The following FGF9 variants were observed in gnomAD, a reference collection of about 807,000 sequenced individuals.
FGF9 encodes the protein fibroblast growth factor 9 (glia-activating factor).
Under a neutral mutation model 19.9 loss-of-function variants are expected in FGF9, and 3 were observed. The observed-to-expected ratio is 0.15, with a 90% CI of 0.07 to 0.39. FGF9 has a LOEUF of 0.39. Ranked by LOEUF, FGF9 falls within the 10% of genes least tolerant of loss-of-function variation. The pLI, the probability that FGF9 is intolerant of heterozygous loss-of-function variation, is 1.00. For synonymous variants in FGF9, 107 were observed against 106.9 expected (o/e 1.00, Z -0.01); for missense variants, 175 against 256.8 (o/e 0.68, Z 2.18).
At chr13:21,685,589 A>T (rs1436837410) in intron 2 of FGF9, among the ~76,000 whole-genome samples, 1 of 152,246 alleles carries the variant, frequency 6.6e-6, no homozygotes, top group East Asian at 1.9e-4. Flanking sequence ...TAATTTGTCC[A>T]TGTATCCGTT....
At chr13:21,678,724 T>C (rs963541552) in intron 1 of FGF9, among the ~76,000 whole-genome samples, 2 of 152,212 alleles carry the variant, frequency 1.3e-5, no homozygotes, top group Admixed American at 6.5e-5. Flanking sequence ...CCTTAGAAGC[T>C]GCAAATATTT....
At chr13:21,673,833 C>A (rs903690934) in intron 1 of FGF9, among the ~76,000 whole-genome samples, 1 of 150,918 alleles carries the variant, frequency 6.6e-6, no homozygotes, top group East Asian at 1.9e-4. Flanking sequence ...CTCCCGCGCT[C>A]GCGGTCGGCA....
In FGF9 at chr13:21,680,926, G is replaced by T. The variant is rs570464834; in HGVS notation, c.278-116G>T. The T allele has an allele frequency of 2.9e-4, 212 of 739,792 alleles. 3 individuals carry two copies. The South Asian group carries it at 3.1e-3, about 11-fold the overall frequency. The allele number at this position is 739,792 out of a possible 1,614,324, so 45.8% of individuals were successfully genotyped here. ...AAGACACTTCTTTAACTAGCGTGGG[G>T]TTATCCAAGTGGGGAGCTGGGCTTA... On this transcript the variant is annotated intron_variant, in intron 1 of 2. Coordinates refer to ENST00000382353, the MANE Select transcript of FGF9 (RefSeq NM_002010.3).
intron 1 of FGF9, among the ~76,000 whole-genome samples, chr13:21,679,475 T>C (rs1871988561): frequency 6.6e-6 from 1 of 152,178 alleles, no homozygotes; most frequent in Admixed American, 6.5e-5. Flanking sequence ...TATAGCACAT[T>C]GTTACCCTAA....
At chr13:21,677,040 T>C (rs1256524905) in intron 1 of FGF9, among the ~76,000 whole-genome samples, 14 of 152,204 alleles carry the variant, frequency 9.2e-5, no homozygotes, top group Admixed American at 9.2e-4. Context: ...GGACCATGGA[T>C]GATCTCACAC....
At chr13:21,693,929 C>T (rs752752290) in intron 2 of FGF9, among the ~76,000 whole-genome samples, 9 of 152,136 alleles carry the variant, frequency 5.9e-5, no homozygotes, top group Non-Finnish European at 8.8e-5. Context: ...TGATGCAGCC[C>T]GTTTCATTTG....
intron 2 of FGF9, among the ~76,000 whole-genome samples, chr13:21,695,083 C>CCT (rs138974621): frequency 1.5e-5 from 2 of 137,146 alleles, no homozygotes; most frequent in Admixed American, 1.4e-4. Context: ...TGTGTGTGTG[C>CCT]GTGTGTGTGT....
rs549304399 is a variant in FGF9 at position 21,677,283 on chromosome 13, C to T, written c.278-3759C>T. Among the ~76,000 whole-genome samples the T allele has an allele frequency of 1.2e-4, 18 of 152,320 alleles. No individual in the cohort carries two copies. The East Asian group carries it at 1.3e-3, about 11-fold the overall frequency. ...TGTGCCACAGTTCTAATTTTAGGCA[C>T]AAACTCATCATTCCCTCCCTTCCTC... On this transcript the variant is annotated intron_variant, in intron 1 of 2. Transcript: ENST00000382353.
intron 2 of FGF9, among the ~76,000 whole-genome samples, chr13:21,685,336 C>T (rs1872134248): frequency 6.6e-6 from 1 of 152,036 alleles, no homozygotes; most frequent in African/African-American, 2.4e-5. Context: ...GATTAATTTT[C>T]TCTTTTCATC....
At chr13:21,693,143 A>G (rs1402398419) in intron 2 of FGF9, among the ~76,000 whole-genome samples, 2 of 152,228 alleles carry the variant, frequency 1.3e-5, no homozygotes, top group East Asian at 3.9e-4. Context: ...TGGTCAGGTC[A>G]CCTTATCCTT....
At chr13:21,697,185 T>C (rs17840907) in intron 2 of FGF9, among the ~76,000 whole-genome samples, 83 of 152,324 alleles carry the variant, frequency 5.4e-4, no homozygotes, top group African/African-American at 1.9e-3. Flanking sequence ...AGAGACAGGG[T>C]CTCACTCTGT....
chr13:21,683,271 T>C (rs1365140142), intron 2 of FGF9, among the ~76,000 whole-genome samples: 3 of 152,296 alleles, frequency 2.0e-5, no homozygotes, highest in Middle Eastern at 3.4e-3. Context: ...TTCTGGATGA[T>C]TTAAATGGTT....
chr13:21,695,348 A>C (rs972955311), intron 2 of FGF9, among the ~76,000 whole-genome samples: 3 of 152,140 alleles, frequency 2.0e-5, no homozygotes, highest in Non-Finnish European at 2.9e-5. Flanking sequence ...CAACTGATTC[A>C]ATTGTTCCCA....
chr13:21,699,928 G>T (rs1872499957), intron 2 of FGF9, among the ~76,000 whole-genome samples: 1 of 152,074 alleles, frequency 6.6e-6, no homozygotes, highest in South Asian at 2.1e-4. Context: ...GAGCAAAAAG[G>T]CCAGTAAGTC....
At chr13:21,696,249 G>A (rs1224961625) in intron 2 of FGF9, among the ~76,000 whole-genome samples, 1 of 152,116 alleles carries the variant, frequency 6.6e-6, no homozygotes, top group African/African-American at 2.4e-5. Context: ...TAAAAGTTTT[G>A]AAGTTTTAAT....
At chr13:21,697,371 C>T (rs1236178348) in intron 2 of FGF9, among the ~76,000 whole-genome samples, 2 of 152,016 alleles carry the variant, frequency 1.3e-5, no homozygotes, top group Admixed American at 1.3e-4. Flanking sequence ...GGTCTTGAAC[C>T]CCTGGCCTCA....
intron 2 of FGF9, among the ~76,000 whole-genome samples, chr13:21,700,901 A>C (rs1172532192): frequency 6.6e-6 from 1 of 152,236 alleles, no homozygotes; most frequent in Non-Finnish European, 1.5e-5. Context: ...TAAAATGGTT[A>C]AAATGGGCTA....
intron 2 of FGF9, among the ~76,000 whole-genome samples, chr13:21,685,860 C>T (rs1872144214): frequency 6.6e-6 from 1 of 152,104 alleles, no homozygotes; most frequent in Non-Finnish European, 1.5e-5. Context: ...CAGGTTAGGT[C>T]ACGTGACCCT....
At chr13:21,679,251 G>T (rs1473789942) in intron 1 of FGF9, among the ~76,000 whole-genome samples, 4 of 152,084 alleles carry the variant, frequency 2.6e-5, no homozygotes, top group African/African-American at 9.7e-5. Context: ...GTTACATTTT[G>T]TCCTTATAAA....
Sources: allele counts gnomAD v4.1 joint callset (sites outside exome capture counted in the v4.1 genomes callset), GRCh38; gene constraint gnomAD v4.1.1; transcripts MANE v1.5; gene names NCBI Gene and HGNC (gene_info 2026-07-23, HGNC 2026-07-21).